Variants in SENP3 observed in about 807,000 individuals in gnomAD.
The protein encoded by SENP3 is sentrin-specific protease 3.
In SENP3, 11 loss-of-function variants were observed where a neutral mutation model predicts 66.2. The observed-to-expected ratio is 0.17, with a 90% CI of 0.10 to 0.28. The LOEUF (loss-of-function observed/expected upper bound fraction) is 0.28. SENP3 is among the 10% of genes least tolerant of loss of function. The pLI is 1.00. For synonymous variants in SENP3, 292 were observed against 277.6 expected (o/e 1.05, Z -0.52); for missense variants, 548 against 743.7 (o/e 0.74, Z 3.06).
rs2071242144 is a variant in SENP3, at chr17:7,563,627, G to A, written c.551G>A (p.Cys184Tyr). Residue 184 changes from cysteine to tyrosine, a missense_variant, in exon 2 of 11, where the codon TGT (cysteine) becomes TAT (tyrosine). Coordinates refer to ENST00000321337, the MANE Select transcript of SENP3 (RefSeq NM_015670.6). ...ACGCCACAGGTGCCATCCCCCTGTT[G>A]TCGTTTTGACTCCCCCCGGGGGCCA... is the stretch of plus-strand genomic sequence containing the variant. ...GATPQVPSPC[C>Y]RFDSPRGPPP... The A allele has an allele frequency of 6.2e-7, 1 of 1,602,516 alleles. No homozygotes were observed.
At chr17:7,564,407 G>C (rs1445905697) in intron 2 of SENP3, 1 of 730,524 alleles carries the variant, frequency 1.4e-6, no homozygotes, top group African/African-American at 1.7e-5. Flanking sequence ...TCCTGTCTAT[G>C]AGTAGGAACT....
intron 6 of SENP3, among the ~76,000 whole-genome samples, chr17:7,566,426 C>G (rs1042717438): frequency 1.3e-5 from 2 of 151,866 alleles, no homozygotes; most frequent in Admixed American, 1.3e-4. Context: ...GAGGCCAAGG[C>G]GGGTGGATCA....
intron 7 of SENP3, among the ~76,000 whole-genome samples, chr17:7,569,958 C>T (rs2071299559): frequency 6.6e-6 from 1 of 152,206 alleles, no homozygotes; most frequent in Non-Finnish European, 1.5e-5. Flanking sequence ...TTTACACTCT[C>T]TGACAGATAA....
At chr17:7,564,233 G>C (rs185581116) in intron 2 of SENP3, 2 of 398,378 alleles carry the variant, frequency 5.0e-6, no homozygotes, top group Non-Finnish European at 9.5e-6. Context: ...TTTCCCTTTC[G>C]GAGAACTCCA....
At chr17:7,564,933 C>G (rs781040998) in intron 3 of SENP3, 26 bp from the exon 4 acceptor site, 51 of 1,609,788 alleles carry the variant, frequency 3.2e-5, no homozygotes, top group Non-Finnish European at 4.3e-5. Flanking sequence ...GGAGGCCTCA[C>G]CCCCTCCTCT....
chr17:7,571,322 C>A, intron 10 of SENP3, 51 bp from the exon 11 acceptor site: 1 of 1,322,600 alleles, frequency 7.6e-7, no homozygotes, highest in Non-Finnish European at 1.1e-6. Flanking sequence ...AAATGTGTAG[C>A]ACAGGTCCTG....
intron 7 of SENP3, 82 bp downstream of exon 7, chr17:7,567,086 G>T: frequency 2.2e-6 from 2 of 920,778 alleles, no homozygotes; most frequent in South Asian, 2.8e-5. Context: ...CCCTTTCCCT[G>T]ACCGTGTTCA....
At chr17:7,567,381 A>G (rs990923532) in intron 7 of SENP3, among the ~76,000 whole-genome samples, 1 of 152,124 alleles carries the variant, frequency 6.6e-6, no homozygotes, top group African/African-American at 2.4e-5. Flanking sequence ...GCCCTGTGTG[A>G]TGGCAGGTGG....
chr17:7,571,699 CCT>C lies in SENP3; in HGVS notation c.*219_*220del. 6.6e-6 allele frequency: 3 copies of C among 451,568 alleles called. No individual in the cohort carries two copies. Among genetic ancestry groups the C allele is most frequent in the Admixed American group, 3.7e-5 (1 of 27,158 alleles). The allele number at this position is 451,568 out of a possible 1,614,324, so 28.0% of individuals were successfully genotyped here. On this transcript the variant is annotated 3_prime_UTR_variant, in exon 11 of 11. Coordinates refer to ENST00000321337, the MANE Select transcript of SENP3 (RefSeq NM_015670.6). ...GTGGCTACAGAAAAGCCCCTTTCTT[CCT>C]CTGTTTGCAGGGGAGTGTGGCCCTG...
At chr17:7,564,415 ACTCT>A (rs776033385) in intron 2 of SENP3, 3 of 743,674 alleles carry the variant, frequency 4.0e-6, no homozygotes, top group Non-Finnish European at 7.1e-6. Context: ...ATGAGTAGGA[ACTCT>A]CTCTCCATCC....
At position 7,570,633 on chromosome 17, in the gene SENP3, T is replaced by A. The variant is rs1194947551; in HGVS notation, c.1480-48T>A. 2 of 1,591,958 alleles carry A rather than the reference T, an allele frequency of 1.3e-6. No individual in the cohort carries two copies. Among genetic ancestry groups the A allele is most frequent in the African/African-American group, 2.7e-5 (2 of 74,406 alleles). ...CAGCACTGTACCCACCATACTGTGT[T>A]CAATTGAGAAACTTAGGGCATCACT... On this transcript the variant is annotated intron_variant, in intron 8 of 10. Coordinates refer to ENST00000321337, the MANE Select transcript of SENP3 (RefSeq NM_015670.6). This position sits in a 1 kb window ranked among gnomAD's most constrained non-coding sequence, Gnocchi z 5.4.
Position 7,570,722 on chromosome 17 carries a change from C to A in SENP3, c.1521C>A (p.Asp507Glu), listed in dbSNP as rs777633328. Residue 507 changes from aspartate to glutamate, a missense_variant, in exon 9 of 11, where the codon GAC becomes GAA. By Grantham distance (45) the Asp-to-Glu change is conservative. Transcript: ENST00000321337. The surrounding 1 kb of genome is among the most constrained non-coding windows in gnomAD (Gnocchi z 5.4). ...TACAGGCAGAGGCGGTAAAGAAAGA[C>A]CGACTGGATTTCCACCAGGGCTGGA... ...KYLQAEAVKK[D>E]RLDFHQGWKG... 74 of 1,612,736 alleles carry A rather than the reference C, an allele frequency of 4.6e-5. No homozygotes were observed. Among genetic ancestry groups the A allele is most frequent in the Non-Finnish European group, 6.1e-5 (72 of 1,179,388 alleles).
rs1264563529 is a variant in SENP3, at chr17:7,562,514, T to G, written c.-12+251T>G. 6.6e-6 allele frequency among the ~76,000 whole-genome samples: 1 copy of G among 152,232 alleles called. No individual in the cohort carries two copies. The highest frequency in any genetic ancestry group is 2.4e-5 in the African/African-American group (1 of 41,458). On this transcript the variant is annotated intron_variant, in intron 1 of 10. Coordinates refer to ENST00000321337, the MANE Select transcript of SENP3 (RefSeq NM_015670.6). The surrounding 1 kb of genome is among the most constrained non-coding windows in gnomAD (Gnocchi z 5.0). ...TCCCAGCGTCTTGATTCGGTTCTCT[T>G]TAAGTTTCCTTCAAAGTTCTTCCCC... is the stretch of plus-strand genomic sequence containing the variant.
chr17:7,564,740 G>A lies in SENP3; in HGVS notation c.831G>A (p.Gly277=), dbSNP rs775352322. 2.1e-5 allele frequency: 34 copies of A among 1,614,038 alleles called. No homozygotes were observed. In the East Asian group the frequency reaches 7.6e-4, roughly 36 times the overall value. ...TCATCAGCAATGTGTGCAGCATCGGGGACCATGTGGCCCAGGAGCTTTTTC... is the reference window on the plus strand; with the variant it reads ...TCATCAGCAATGTGTGCAGCATCGGAGACCATGTGGCCCAGGAGCTTTTTC... ...SILISNVCSI[G]DHVAQELFQG... The change falls in exon 3 of 11, where the codon GGG becomes GGA. Residue 277 remains glycine, a synonymous_variant. Transcript: ENST00000321337.
chr17:7,562,419 G>T lies in SENP3; in HGVS notation c.-12+156G>T, dbSNP rs1214278418. The stretch of plus-strand genomic sequence containing the variant: ...AGCTCGTGGGACCGGACTGGTGCCG[G>T]GTTGCATTCTGGTCCCCGAGGATGA... On this transcript the variant is annotated intron_variant, in intron 1 of 10. Coordinates refer to ENST00000321337, the MANE Select transcript of SENP3 (RefSeq NM_015670.6). This position sits in a 1 kb window ranked among gnomAD's most constrained non-coding sequence, Gnocchi z 5.0. 6.6e-6 allele frequency among the ~76,000 whole-genome samples: 1 copy of T among 152,268 alleles called. No homozygotes were observed. Among genetic ancestry groups the T allele is most frequent in the Non-Finnish European group, 1.5e-5 (1 of 68,054 alleles).
In SENP3 at chr17:7,566,974, T is replaced by C. The variant is rs2071274236; in HGVS notation, c.1311T>C (p.Gly437=). Residue 437 remains glycine (G), a synonymous_variant, in exon 7 of 11, where the codon GGT becomes GGC. Coordinates refer to ENST00000321337, the MANE Select transcript of SENP3 (RefSeq NM_015670.6). ...TCTATGATAAACTCCGTACCAAGGG[T>C]TATGATGGGGTGAAAAGGTGGACCA... ...SFFYDKLRTK[G]YDGVKRWTKN... 6.4e-7 allele frequency: 1 copy of C among 1,569,682 alleles called. No homozygotes were observed. Among genetic ancestry groups the C allele is most frequent in the South Asian group, 1.2e-5 (1 of 85,278 alleles).
In SENP3 at chr17:7,564,826, A is replaced by G. The variant is rs758182033; in HGVS notation, c.917A>G (p.His306Arg). The change falls in exon 3 of 11, where the codon CAC becomes CGC. Residue 306 changes from histidine to arginine, a missense_variant. His to Arg is a conservative substitution (Grantham distance 29). This residue lies in a region of SENP3 where 215 missense variants were observed against 230.7 expected (regional missense o/e 0.93). Coordinates refer to ENST00000321337, the MANE Select transcript of SENP3 (RefSeq NM_015670.6). ...AERPGEKAGQ[H>R]SPLREEHVTC... The stretch of plus-strand genomic sequence containing the variant: ...AGGCCTGGGGAGAAAGCCGGCCAGC[A>G]CAGCCCCCTGCGAGAGGAGCATGTG... 6.2e-7 allele frequency: 1 copy of G among 1,613,024 alleles called. No homozygotes were observed. Among genetic ancestry groups the G allele is most frequent in the Non-Finnish European group, 8.5e-7 (1 of 1,179,378 alleles).
rs56136712 is a variant in SENP3 at position 7,562,706 on chromosome 17, C to A, written c.-11-360C>A. Among the ~76,000 whole-genome samples the A allele has an allele frequency of 8.4e-3, 1,281 of 152,296 alleles. 12 individuals carry two copies. The highest frequency in any genetic ancestry group is 0.014 in the Middle Eastern group (4 of 294). ...TCCTCAAGTACCACGGTTATCATGTCCCTGAGGAAAGAAACTGCCCTTGTT... is the reference window on the plus strand; with the variant it reads ...TCCTCAAGTACCACGGTTATCATGTACCTGAGGAAAGAAACTGCCCTTGTT... On this transcript the variant is annotated intron_variant, in intron 1 of 10. Transcript: ENST00000321337. The surrounding 1 kb of genome is among the most constrained non-coding windows in gnomAD (Gnocchi z 5.0).
rs570300930 is a variant in SENP3 at position 7,562,406 on chromosome 17, C to T, written c.-12+143C>T. The T allele has an allele frequency of 1.3e-5, 5 of 395,482 alleles. No individual in the cohort carries two copies. The highest frequency in any genetic ancestry group is 2.8e-4 in the South Asian group (2 of 7,024). 24.5% of individuals were successfully genotyped at this position (395,482 alleles called of 1,614,324 possible). A position where few individuals can be genotyped will look rare whatever the true frequency, so the allele number is the denominator to read the frequency against. On this transcript the variant is annotated intron_variant, in intron 1 of 10. Transcript: ENST00000321337. The surrounding 1 kb of genome is among the most constrained non-coding windows in gnomAD (Gnocchi z 5.0). ...GCCGAGCCATCCAAGCTCGTGGGAC[C>T]GGACTGGTGCCGGGTTGCATTCTGG...
Sources: gnomAD v4.1 joint callset for allele counts (sites outside exome capture counted in the v4.1 genomes callset) on GRCh38, gnomAD v4.1.1 for gene constraint, gnomAD v4.1.1 regional missense constraint, Gnocchi (gnomAD v3.1) non-coding constraint, MANE v1.5 for transcripts, NCBI Gene and HGNC (gene_info 2026-07-23, HGNC 2026-07-21) for gene names.